The following POM121C variants were observed in gnomAD, a reference collection of about 807,000 sequenced individuals.
POM121C encodes nuclear envelope pore membrane protein POM 121C.
In POM121C, 20 loss-of-function variants were observed where a neutral mutation model predicts 66.4. The ratio of observed to expected loss-of-function variants is 0.30; its 90% CI spans 0.21 to 0.44. POM121C has a LOEUF of 0.44. Among genes scored for constraint, POM121C ranks in the 20% least tolerant of loss-of-function variants. The pLI is 1.00. For missense variants in POM121C, 580 were observed against 1,225.7 expected, an observed-to-expected ratio of 0.47 and a Z score of 7.87; for synonymous variants, 286 against 528.0, an observed-to-expected ratio of 0.54 and a Z score of 6.28.
intron 3 of POM121C, among the ~76,000 whole-genome samples, chr7:75,452,487 G>C (rs1791053870): frequency 6.6e-6 from 1 of 152,190 alleles, no homozygotes; most frequent in Non-Finnish European, 1.5e-5. Context: ...TGGCTAGTTT[G>C]TTAATCAATA....
chr7:75,421,090 C>T (rs1789688104), intron 13 of POM121C: 3 of 309,932 alleles, frequency 9.7e-6, no homozygotes, highest in South Asian at 5.7e-5. Flanking sequence ...TCTTCTGCCT[C>T]AGCCTCCCGA....
chr7:75,417,655 T>A lies in POM121C; in HGVS notation c.*1141A>T, dbSNP rs1268168544. ...TTTCTAACATCTACTTTGGGTGACG[T>A]AGCCTCCAGTGAGGTCAGTTAAGTG... On this transcript the variant is annotated 3_prime_UTR_variant, in exon 15 of 15. Transcript: ENST00000615331. The A allele has an allele frequency of 6.1e-5, 60 of 985,598 alleles. No homozygotes were observed. The highest frequency in any genetic ancestry group is 7.1e-5 in the Non-Finnish European group (59 of 829,828). The allele number at this position is 985,598 out of a possible 1,614,324, so 61.1% of individuals were successfully genotyped here.
intron 1 of POM121C, among the ~76,000 whole-genome samples, chr7:75,481,236 T>C (rs1792300199): frequency 6.6e-6 from 1 of 150,932 alleles, no homozygotes; most frequent in African/African-American, 2.4e-5. Context: ...AATATATATG[T>C]ATATATTTGC....
rs587642486 is a variant in POM121C, at chr7:75,467,488, C to T, written c.-152+7216G>A. Among the ~76,000 whole-genome samples, 27 of 145,960 alleles carry T rather than the reference C, an allele frequency of 1.8e-4. No individual in the cohort carries two copies. The South Asian group carries it at 3.0e-3, about 16-fold the overall frequency. On this transcript the variant is annotated intron_variant, in intron 3 of 14. Coordinates refer to ENST00000615331, the MANE Select transcript of POM121C (RefSeq NM_001099415.3). ...CGGAGCTTGCAGTGAGCCGAGAATG[C>T]GCCACTGCACTCCAGCCTGGGCGAC...
In POM121C at chr7:75,441,086, G is replaced by A. The variant is rs782001232; in HGVS notation, c.95C>T (p.Ser32Leu). Residue 32 changes from serine (S) to leucine (L), a missense_variant, in exon 5 of 15, where the codon TCG becomes TTG. Coordinates refer to ENST00000615331, the MANE Select transcript of POM121C (RefSeq NM_001099415.3). ...GTCTGGGGCATTACTTGATGGTGAC[G>A]ACAGTGTTGAGCTGATTATCTGCTC... ...IPEQIISSTL[S>L]SPSSNAPDPC... is the part of the protein sequence containing the mutation. 6.1e-5 allele frequency: 99 copies of A among 1,613,790 alleles called. No individual in the cohort carries two copies. The highest frequency in any genetic ancestry group is 8.1e-5 in the Non-Finnish European group (96 of 1,179,882).
chr7:75,476,299 A>G (rs1408142592), intron 1 of POM121C, among the ~76,000 whole-genome samples: 5 of 151,742 alleles, frequency 3.3e-5, no homozygotes, highest in Non-Finnish European at 7.4e-5. Flanking sequence ...TCAAAAAAAA[A>G]AAAAAAAGAA....
chr7:75,462,596 C>T (rs1554477189), intron 3 of POM121C, among the ~76,000 whole-genome samples: 1 of 152,104 alleles, frequency 6.6e-6, no homozygotes, highest in African/African-American at 2.4e-5. Flanking sequence ...GCAGAGCAGA[C>T]CTTATTCTCA....
intron 3 of POM121C, among the ~76,000 whole-genome samples, chr7:75,466,835 A>T (rs1366590818): frequency 6.6e-6 from 1 of 152,118 alleles, no homozygotes; most frequent in African/African-American, 2.4e-5. Flanking sequence ...TGCATGCATC[A>T]AAATGAGATT....
At chr7:75,476,671 G>C (rs779954270) in intron 1 of POM121C, among the ~76,000 whole-genome samples, 7 of 151,686 alleles carry the variant, frequency 4.6e-5, no homozygotes, top group Non-Finnish European at 8.8e-5. Context: ...GCAAGGAGGT[G>C]GTGGGGGTTA....
chr7:75,435,252 G>C (rs1307990142), intron 7 of POM121C, among the ~76,000 whole-genome samples: 1 of 152,136 alleles, frequency 6.6e-6, no homozygotes, highest in Non-Finnish European at 1.5e-5. Flanking sequence ...ATGGAATGAC[G>C]TCAACTGTCT....
rs1790623969 is a variant in POM121C, at chr7:75,441,036, T to C, written c.145A>G (p.Ser49Gly). The change falls in exon 5 of 15, where the codon AGT (serine) becomes GGT (glycine). Residue 49 changes from serine (S) to glycine (G), a missense_variant. Transcript: ENST00000615331. The part of the protein sequence containing the change: ...PDPCAKETVL[S>G]ALKEKKKKRT... ...TTCTTCTTCTTCTCTTTGAGGGCAC[T>C]CAGTACAGTCTCCTTTGCACATGGG... 2 of 1,613,856 alleles carry C rather than the reference T, an allele frequency of 1.2e-6. No individual in the cohort carries two copies. Among genetic ancestry groups the C allele is most frequent in the Admixed American group, 1.7e-5 (1 of 59,988 alleles).
In POM121C at chr7:75,424,134, G is replaced by A. The variant is rs1789838640; in HGVS notation, c.963C>T (p.Pro321=). ...TLPAAATASP[P]TSLLAPSTNP... ...TGGTGCTTGGGGCCAGGAGGGAGGT[G>A]GGTGGGGAGGCAGTTGCAGCAGCAG... The change falls in exon 12 of 15, where the codon CCC becomes CCT. Residue 321 remains proline (P), a synonymous_variant. Coordinates refer to ENST00000615331, the MANE Select transcript of POM121C (RefSeq NM_001099415.3). 1 of 1,611,864 alleles carries A rather than the reference G, an allele frequency of 6.2e-7. No individual in the cohort carries two copies. The highest frequency in any genetic ancestry group is 8.5e-7 in the Non-Finnish European group (1 of 1,179,862).
At chr7:75,432,245 A>C (rs1355862342) in intron 7 of POM121C, among the ~76,000 whole-genome samples, 2 of 151,740 alleles carry the variant, frequency 1.3e-5, no homozygotes, top group Non-Finnish European at 2.9e-5. Flanking sequence ...CAAATACTTT[A>C]TGTATACCGA....
chr7:75,469,662 C>T (rs1791797295), intron 3 of POM121C, among the ~76,000 whole-genome samples: 1 of 152,186 alleles, frequency 6.6e-6, no homozygotes, highest in South Asian at 2.1e-4. Flanking sequence ...TGATCCTCAC[C>T]AAGGCATGAC....
rs1376829681 is a variant in POM121C, at chr7:75,425,461, T to C, written c.646+174A>G. 4 of 1,369,806 alleles carry C rather than the reference T, an allele frequency of 2.9e-6. No individual in the cohort carries two copies. The African/African-American group carries it at 4.4e-5, about 15-fold the overall frequency. 84.9% of individuals were successfully genotyped at this position (1,369,806 alleles called of 1,614,324 possible). A position where few individuals can be genotyped will look rare whatever the true frequency, so the allele number is the denominator to read the frequency against. On this transcript the variant is annotated intron_variant, in intron 9 of 14. Coordinates refer to ENST00000615331, the MANE Select transcript of POM121C (RefSeq NM_001099415.3). ...AATCGTTAGCCCCCATCTGTAGCCTTTCTCCCTCATCAGACTATAAACTTC... is the reference window on the plus strand; with the variant it reads ...AATCGTTAGCCCCCATCTGTAGCCTCTCTCCCTCATCAGACTATAAACTTC...
At chr7:75,481,920 G>A (rs1792324072) in intron 1 of POM121C, among the ~76,000 whole-genome samples, 1 of 152,130 alleles carries the variant, frequency 6.6e-6, no homozygotes, top group Non-Finnish European at 1.5e-5. Context: ...CACAGCAATA[G>A]TAAATCACAG....
chr7:75,456,045 G>A (rs1554476262), intron 3 of POM121C, among the ~76,000 whole-genome samples: 3 of 152,160 alleles, frequency 2.0e-5, no homozygotes, highest in African/African-American at 7.2e-5. Context: ...GATTAGCCTG[G>A]GCAACATAGC....
rs587728921 is a variant in POM121C, at chr7:75,422,084, G to C, written c.2168C>G (p.Thr723Ser). 10 of 1,608,816 alleles carry C rather than the reference G, an allele frequency of 6.2e-6. No individual in the cohort carries two copies. The East Asian group carries it at 1.1e-4, about 18-fold the overall frequency. The change falls in exon 13 of 15, where the codon ACC (threonine) becomes AGC (serine). Residue 723 changes from threonine to serine, a missense_variant. By Grantham distance (58) the Thr-to-Ser change is moderately conservative (BLOSUM62 1). Coordinates refer to ENST00000615331, the MANE Select transcript of POM121C (RefSeq NM_001099415.3). ...QPPGAAKPAL[T>S]PSFGSSFTFG... ...AGTGAAAGAGCTGCCAAAGCTGGGG[G>C]TAAGGGCTGGCTTGGCGGCCCCCGG...
chr7:75,481,959 C>T (rs1312277890), intron 1 of POM121C, among the ~76,000 whole-genome samples: 5 of 152,030 alleles, frequency 3.3e-5, no homozygotes, highest in Non-Finnish European at 5.9e-5. Context: ...TTCTTAACTT[C>T]ACAAAAACAA....
Sources: allele counts gnomAD v4.1 joint callset (sites outside exome capture counted in the v4.1 genomes callset), GRCh38; gene constraint gnomAD v4.1.1; transcripts MANE v1.5; gene names NCBI Gene and HGNC (gene_info 2026-07-23, HGNC 2026-07-21).